PGAP1: variants seen among roughly 807,000 people sequenced by gnomAD.
The protein encoded by PGAP1 is GPI inositol-deacylase.
PGAP1 carries 76 observed loss-of-function variants against 127.0 expected under a neutral mutation model. The observed-to-expected ratio is 0.60, with a 90% CI of 0.50 to 0.72. The LOEUF is 0.72. PGAP1 is among the 30% of genes least tolerant of loss of function. The pLI is 0.00. For missense variants in PGAP1, 982 were observed against 1,071.3 expected (o/e 0.92, Z 1.16); for synonymous variants, 362 against 366.5 (o/e 0.99, Z 0.14).
chr2:196,903,071 A>G (rs1424185342), intron 4 of PGAP1, among the ~76,000 whole-genome samples: 1 of 152,212 alleles, frequency 6.6e-6, no homozygotes, highest in Admixed American at 6.5e-5. Flanking sequence ...CAGTATAGCT[A>G]AAAGAGAAAA....
chr2:196,836,304 G>C lies in PGAP1; in HGVS notation c.*4930C>G, dbSNP rs1460505842. On this transcript the variant is annotated 3_prime_UTR_variant, in exon 27 of 27. Transcript: ENST00000354764. ...CTTTATTTAAAAGTTATCAACCGTAGACAATTAAGACAGCTTAGAATATCA... is the reference window on the plus strand; with the variant it reads ...CTTTATTTAAAAGTTATCAACCGTACACAATTAAGACAGCTTAGAATATCA... The C allele has an allele frequency of 6.6e-6, 1 of 152,504 alleles. No individual in the cohort carries two copies. Among genetic ancestry groups the C allele is most frequent in the African/African-American group, 2.4e-5 (1 of 41,432 alleles). The allele number at this position is 152,504 out of a possible 1,614,324, so 9.4% of individuals were successfully genotyped here.
intron 10 of PGAP1, among the ~76,000 whole-genome samples, chr2:196,889,796 T>C (rs1314154059): frequency 1.3e-5 from 2 of 148,960 alleles, no homozygotes; most frequent in Non-Finnish European, 1.5e-5. Flanking sequence ...GAGGTGGAGC[T>C]TGCAGTGAGC....
At chr2:196,900,400 C>T (rs1702447369) in intron 5 of PGAP1, among the ~76,000 whole-genome samples, 1 of 152,192 alleles carries the variant, frequency 6.6e-6, no homozygotes, top group African/African-American at 2.4e-5. Flanking sequence ...AAAGATTTTC[C>T]AGTCCTAATG....
At chr2:196,882,246 C>T (rs941519242) in intron 12 of PGAP1, among the ~76,000 whole-genome samples, 5 of 152,210 alleles carry the variant, frequency 3.3e-5, no homozygotes, top group Admixed American at 1.3e-4. Flanking sequence ...GTTTTGGTTA[C>T]TGCAGCCCTG....
At chr2:196,874,410 A>G (rs914455368) in intron 14 of PGAP1, among the ~76,000 whole-genome samples, 1 of 152,182 alleles carries the variant, frequency 6.6e-6, no homozygotes, top group African/African-American at 2.4e-5. Context: ...TAAATGTAGA[A>G]TACCAGAGTG....
intron 7 of PGAP1, among the ~76,000 whole-genome samples, chr2:196,896,218 C>T (rs1702262944): frequency 6.6e-6 from 1 of 152,136 alleles, no homozygotes; most frequent in Admixed American, 6.5e-5. Flanking sequence ...GAAGAGTTTA[C>T]ACTGTGAAAT....
At chr2:196,876,135 G>A (rs1701562950) in intron 13 of PGAP1, among the ~76,000 whole-genome samples, 1 of 152,108 alleles carries the variant, frequency 6.6e-6, no homozygotes, top group African/African-American at 2.4e-5. Flanking sequence ...GTAAAGGATG[G>A]ATGAAAGTAT....
intron 12 of PGAP1, among the ~76,000 whole-genome samples, chr2:196,880,658 T>C (rs1319170822): frequency 6.6e-6 from 1 of 152,190 alleles, no homozygotes; most frequent in Non-Finnish European, 1.5e-5. Context: ...TAATGGCATA[T>C]CTGCACATCA....
intron 17 of PGAP1, chr2:196,872,752 G>T: frequency 1.7e-6 from 1 of 572,934 alleles, no homozygotes; most frequent in Non-Finnish European, 3.1e-6. Context: ...GAGGGTGGAA[G>T]GGGGTTCAGG....
At chr2:196,859,986 T>C (rs182942288) in intron 20 of PGAP1, among the ~76,000 whole-genome samples, 2 of 152,170 alleles carry the variant, frequency 1.3e-5, no homozygotes, top group South Asian at 2.1e-4. Context: ...ACTTATTCAA[T>C]AGAGTACTAG....
At chr2:196,848,350 C>A (rs1334487201) in intron 20 of PGAP1, among the ~76,000 whole-genome samples, 1 of 152,120 alleles carries the variant, frequency 6.6e-6, no homozygotes, top group Admixed American at 6.5e-5. Context: ...TATAATTCTT[C>A]TATTTAAACA....
chr2:196,880,733 A>G (rs73064969), intron 12 of PGAP1, among the ~76,000 whole-genome samples: 17,093 of 152,188 alleles, frequency 0.11, 1,248 homozygotes, highest in African/African-American at 0.21. Flanking sequence ...CTCACCAAAT[A>G]AGTAATTATT....
chr2:196,890,330 G>T (rs571204802), intron 10 of PGAP1, among the ~76,000 whole-genome samples: 1 of 152,070 alleles, frequency 6.6e-6, no homozygotes, highest in African/African-American at 2.4e-5. Flanking sequence ...TCATTAAAAA[G>T]AAACACAAAA....
intron 5 of PGAP1, among the ~76,000 whole-genome samples, chr2:196,902,050 T>TA (rs1415689117): frequency 6.6e-6 from 1 of 152,172 alleles, no homozygotes; most frequent in Non-Finnish European, 1.5e-5. Context: ...GTCAGAGTCT[T>TA]GTTCTGTCAT....
chr2:196,920,385 G>A (rs1388986203), intron 1 of PGAP1, among the ~76,000 whole-genome samples: 4 of 152,038 alleles, frequency 2.6e-5, no homozygotes, highest in African/African-American at 9.7e-5. Context: ...CATAAAAGAG[G>A]ACTACGTGAA....
intron 20 of PGAP1, among the ~76,000 whole-genome samples, chr2:196,852,189 A>G (rs1296533601): frequency 6.6e-6 from 1 of 152,188 alleles, no homozygotes; most frequent in African/African-American, 2.4e-5. Flanking sequence ...AAATTCCAAA[A>G]TGAAATCTAT....
chr2:196,926,529 A>C lies in PGAP1; in HGVS notation c.88T>G (p.Phe30Val). 2 of 1,614,150 alleles carry C rather than the reference A, an allele frequency of 1.2e-6. No homozygotes were observed. Among genetic ancestry groups the C allele is most frequent in the Middle Eastern group, 1.6e-4 (1 of 6,062 alleles). Residue 30 changes from phenylalanine to valine, a missense_variant, in exon 1 of 27, where the codon TTC becomes GTC. Coordinates refer to ENST00000354764, the MANE Select transcript of PGAP1 (RefSeq NM_024989.4). The stretch of plus-strand genomic sequence containing the variant: ...CTGCACTTATTCTCCTCGAAGCCGA[A>C]GAAGACATCCCACAGCCCCAGGGTT... ...LATLGLWDVF[F>V]GFEENKCSMS... is the part of the protein sequence containing the mutation.
At chr2:196,885,294 T>C (rs1036979889) in intron 12 of PGAP1, 130 bp downstream of exon 12, 2 of 556,134 alleles carry the variant, frequency 3.6e-6, no homozygotes, top group Non-Finnish European at 6.3e-6. Flanking sequence ...AAATATTTTT[T>C]AAATGTAGGT....
intron 20 of PGAP1, 104 bp from the exon 21 acceptor site, chr2:196,848,141 T>TAA (rs751498438): frequency 1.6e-6 from 1 of 637,184 alleles, no homozygotes; most frequent in Non-Finnish European, 2.5e-6. Flanking sequence ...TCAGAGAAAG[T>TAA]AAGGGTCTTC....
Sources: allele counts gnomAD v4.1 joint callset (sites outside exome capture counted in the v4.1 genomes callset), GRCh38; gene constraint gnomAD v4.1.1; transcripts MANE v1.5; gene names NCBI Gene and HGNC (gene_info 2026-07-23, HGNC 2026-07-21).